HHAT: variants seen among roughly 807,000 people sequenced by gnomAD.
The protein encoded by HHAT is hedgehog acyltransferase.
In HHAT, 47 loss-of-function variants were observed where a neutral mutation model predicts 70.8. The ratio of observed to expected loss-of-function variants is 0.66; its 90% confidence interval spans 0.53 to 0.85. The LOEUF (loss-of-function observed/expected upper bound fraction) is 0.85. HHAT is among the 40% of genes least tolerant of loss of function. The pLI is 0.00. For synonymous variants in HHAT, 228 were observed against 247.6 expected (o/e 0.92, Z 0.74); for missense variants, 609 against 604.8 (o/e 1.01, Z -0.07).
At chr1:210,662,455 A>G (rs988061842) in intron 11 of HHAT, among the ~76,000 whole-genome samples, 1 of 152,190 alleles carries the variant, frequency 6.6e-6, no homozygotes, top group African/African-American at 2.4e-5. Flanking sequence ...ACTGTGTTTT[A>G]TAGTGTGGTC....
intron 3 of HHAT, chr1:210,369,916 G>A (rs886821255): frequency 6.6e-6 from 1 of 152,200 alleles, no homozygotes; most frequent in Non-Finnish European, 1.5e-5. Context: ...GCCATGAAGT[G>A]CCATATGCGG....
At chr1:210,548,057 T>C (rs1208179648) in intron 9 of HHAT, among the ~76,000 whole-genome samples, 4 of 152,236 alleles carry the variant, frequency 2.6e-5, no homozygotes, top group Admixed American at 1.3e-4. Context: ...CATGATTTCC[T>C]CTCTTATTTC....
intron 10 of HHAT, among the ~76,000 whole-genome samples, chr1:210,614,880 A>G (rs1399932141): frequency 7.9e-5 from 12 of 152,170 alleles, no homozygotes; most frequent in Admixed American, 7.2e-4. Flanking sequence ...ATACGTGTGC[A>G]TGTGTCTTTA....
At chr1:210,489,580 G>C (rs1256086888) in intron 8 of HHAT, among the ~76,000 whole-genome samples, 1 of 152,154 alleles carries the variant, frequency 6.6e-6, no homozygotes, top group Non-Finnish European at 1.5e-5. Flanking sequence ...AGTTCCCCTT[G>C]ACCAGGGCCT....
intron 9 of HHAT, among the ~76,000 whole-genome samples, chr1:210,535,456 G>GTGTGT (rs1394781594): frequency 2.6e-3 from 367 of 140,212 alleles, no homozygotes; most frequent in African/African-American, 8.8e-3. Context: ...TGTGTGTGTG[G>GTGTGT]GGTAAAATAA....
chr1:210,359,915 G>A (rs1235448091), intron 2 of HHAT, among the ~76,000 whole-genome samples: 4 of 152,010 alleles, frequency 2.6e-5, no homozygotes, highest in Non-Finnish European at 5.9e-5. Context: ...GACTGATTTC[G>A]GTAATAATAA....
At position 210,404,489 on chromosome 1, in the gene HHAT, A is replaced by G. The variant is rs2228898; in HGVS notation, c.494A>G (p.Glu165Gly). ...AGAAGGTGGTACAAGACAGAAAACG[A>G]GTACTACCTGCTGCAGTTCACGCTG... is the stretch of plus-strand genomic sequence containing the variant. ...VKRRWYKTENEYYLLQFTLTV... is the reference protein window; with the variant it reads ...VKRRWYKTENGYYLLQFTLTV... The change falls in exon 6 of 12, where the codon GAG (glutamate) becomes GGG (glycine). Residue 165 changes from glutamate (E) to glycine (G), a missense_variant. By Grantham distance (98) the Glu-to-Gly change is moderately conservative (BLOSUM62 -2). Coordinates refer to ENST00000261458, the MANE Select transcript of HHAT (RefSeq NM_018194.6). 1.9e-6 allele frequency: 3 copies of G among 1,612,462 alleles called. No homozygotes were observed. Among genetic ancestry groups the G allele is most frequent in the Non-Finnish European group, 1.7e-6 (2 of 1,179,836 alleles).
At chr1:210,660,730 GA>G (rs1358061343) in intron 11 of HHAT, among the ~76,000 whole-genome samples, 1 of 152,056 alleles carries the variant, frequency 6.6e-6, no homozygotes, top group Non-Finnish European at 1.5e-5. Context: ...TAGACCAATG[GA>G]ACAGAACAGA....
At chr1:210,581,713 T>C (rs1659300735) in intron 9 of HHAT, among the ~76,000 whole-genome samples, 1 of 152,224 alleles carries the variant, frequency 6.6e-6, no homozygotes, top group South Asian at 2.1e-4. Flanking sequence ...CAATGCTCTG[T>C]ATTCTTTAGG....
chr1:210,566,226 C>G (rs1654712755), intron 9 of HHAT, among the ~76,000 whole-genome samples: 1 of 152,112 alleles, frequency 6.6e-6, no homozygotes, highest in Non-Finnish European at 1.5e-5. Context: ...ACTAGAGGCT[C>G]AGTAGATATT....
chr1:210,397,983 AT>A (rs2091885684), intron 4 of HHAT, among the ~76,000 whole-genome samples: 2 of 152,090 alleles, frequency 1.3e-5, no homozygotes, highest in African/African-American at 4.8e-5. Flanking sequence ...CTCTAGCAGG[AT>A]TTTATTTACT....
intron 11 of HHAT, among the ~76,000 whole-genome samples, chr1:210,625,229 A>G (rs557782171): frequency 2.0e-5 from 3 of 152,328 alleles, no homozygotes; most frequent in African/African-American, 7.2e-5. Context: ...ATAATAGGGC[A>G]TTATGGATCT....
intron 11 of HHAT, among the ~76,000 whole-genome samples, chr1:210,646,591 A>G (rs908037001): frequency 6.6e-6 from 1 of 152,248 alleles, no homozygotes; most frequent in African/African-American, 2.4e-5. Context: ...TCTTTTGCCA[A>G]TATTTTTTAT....
intron 9 of HHAT, among the ~76,000 whole-genome samples, chr1:210,581,952 T>C (rs1291173272): frequency 6.6e-6 from 1 of 152,178 alleles, no homozygotes; most frequent in Non-Finnish European, 1.5e-5. Flanking sequence ...ATCACATATC[T>C]AGTGCTGTCT....
intron 3 of HHAT, chr1:210,374,321 C>G (rs373130875): frequency 2.6e-5 from 4 of 152,200 alleles, no homozygotes; most frequent in African/African-American, 4.8e-5. Flanking sequence ...TCCTAGTACG[C>G]CGATGGTGCC....
chr1:210,486,911 T>C (rs974216994), intron 8 of HHAT, among the ~76,000 whole-genome samples: 10 of 152,196 alleles, frequency 6.6e-5, no homozygotes, highest in African/African-American at 2.2e-4. Context: ...GATTATACTG[T>C]GGCTTTGAAA....
chr1:210,555,657 A>C (rs962232736), intron 9 of HHAT, among the ~76,000 whole-genome samples: 1 of 152,234 alleles, frequency 6.6e-6, no homozygotes, highest in African/African-American at 2.4e-5. Context: ...TAACTGTTAG[A>C]TAACAGGCTG....
chr1:210,661,781 C>T (rs1419526386), intron 11 of HHAT, among the ~76,000 whole-genome samples: 2 of 152,136 alleles, frequency 1.3e-5, no homozygotes, highest in Non-Finnish European at 2.9e-5. Flanking sequence ...AACCATCATT[C>T]TGAGCAAACT....
chr1:210,450,473 TA>T (rs1356997916), intron 7 of HHAT, among the ~76,000 whole-genome samples: 1 of 152,074 alleles, frequency 6.6e-6, no homozygotes, highest in East Asian at 1.9e-4. Context: ...TCTGAAGGAT[TA>T]AAAAATTATT....
Sources: gnomAD v4.1 joint callset for allele counts (sites outside exome capture counted in the v4.1 genomes callset) on GRCh38, gnomAD v4.1.1 for gene constraint, MANE v1.5 for transcripts, NCBI Gene and HGNC (gene_info 2026-07-23, HGNC 2026-07-21) for gene names.